MYBL1: variants seen among roughly 807,000 people sequenced by gnomAD.
MYBL1 encodes MYB proto-oncogene like 1, also known as myb-related protein A.
A neutral mutation model predicts 96.3 loss-of-function variants in MYBL1; 17 were observed. The observed-to-expected ratio is 0.18, with a 90% CI of 0.12 to 0.26. The LOEUF (loss-of-function observed/expected upper bound fraction) is 0.26, where lower values mean the gene tolerates loss of function less well. Among genes scored for constraint, MYBL1 ranks in the 10% least tolerant of loss-of-function variants. MYBL1 has a pLI of 1.00. For missense variants in MYBL1, 701 were observed against 882.9 expected (o/e 0.79, Z 2.61); for synonymous variants, 282 against 292.7 (o/e 0.96, Z 0.37).
At chr8:66,600,029 A>C (rs1810007198) in intron 3 of MYBL1, among the ~76,000 whole-genome samples, 1 of 152,214 alleles carries the variant, frequency 6.6e-6, no homozygotes, top group African/African-American at 2.4e-5. Context: ...TTGACACTTA[A>C]AAAGAAAATG....
chr8:66,588,277 CT>C (rs1164357937), intron 8 of MYBL1, among the ~76,000 whole-genome samples: 3,540 of 128,808 alleles, frequency 0.027, 39 homozygotes, highest in Non-Finnish European at 0.036. Context: ...ATGTGAATCT[CT>C]TTTTTTTTTT....
rs1285632830 is a variant in MYBL1, at chr8:66,566,235, A to G, written c.1959T>C (p.Asn653=). 5 of 1,464,426 alleles carry G rather than the reference A, an allele frequency of 3.4e-6. No individual in the cohort carries two copies. Among genetic ancestry groups the G allele is most frequent in the Non-Finnish European group, 4.6e-6 (5 of 1,085,016 alleles). 90.7% of individuals were successfully genotyped at this position (1,464,426 alleles called of 1,614,324 possible). Residue 653 remains asparagine (N), a synonymous_variant, in exon 15 of 16, where the codon AAT becomes AAC. Coordinates refer to ENST00000522677, the MANE Select transcript of MYBL1 (RefSeq NM_001080416.4). ...TCATTAATAAGGATGTAGTAAATCTATTTTCTGACTAAGAGAGAAAAAAGA... is the reference window on the plus strand; with the variant it reads ...TCATTAATAAGGATGTAGTAAATCTGTTTTCTGACTAAGAGAGAAAAAAGA... ...TEDISDMQSE[N]RFTTSLLMIP...
intron 4 of MYBL1, among the ~76,000 whole-genome samples, chr8:66,598,742 C>CA (rs1160056299): frequency 2.6e-5 from 4 of 151,984 alleles, no homozygotes; most frequent in Non-Finnish European, 5.9e-5. Flanking sequence ...AGATTTTTGA[C>CA]AAAAAACTAT....
chr8:66,587,381 C>T (rs949203816), intron 8 of MYBL1, among the ~76,000 whole-genome samples: 1 of 151,360 alleles, frequency 6.6e-6, no homozygotes, highest in Non-Finnish European at 1.5e-5. Flanking sequence ...AAAAAAAAAC[C>T]CTTGTGCCTT....
Position 66,601,784 on chromosome 8 carries a change from CA to C in MYBL1, c.127-16del, listed in dbSNP as rs1245786197. 4 of 1,410,726 alleles carry C rather than the reference CA, an allele frequency of 2.8e-6. No individual in the cohort carries two copies. Among genetic ancestry groups the C allele is most frequent in the Non-Finnish European group, 9.7e-7 (1 of 1,030,032 alleles). 87.4% of individuals were successfully genotyped at this position (1,410,726 alleles called of 1,614,324 possible). On this transcript the variant is annotated splice_polypyrimidine_tract_variant and intron_variant, in intron 2 of 15. Transcript: ENST00000522677. The stretch of plus-strand genomic sequence containing the variant: ...AATTTATCATCCTATTAAAACAGTA[CA>C]AAAATTAGAAAGCTTTCCCCCCGTC...
chr8:66,599,153 T>G lies in MYBL1; in HGVS notation c.199-11A>C. 1 of 1,549,760 alleles carries G rather than the reference T, an allele frequency of 6.5e-7. No individual in the cohort carries two copies. The highest frequency in any genetic ancestry group is 8.7e-7 in the Non-Finnish European group (1 of 1,151,702). On this transcript the variant is annotated splice_polypyrimidine_tract_variant and intron_variant, in intron 3 of 15. Transcript: ENST00000522677. ...AAAATCAGAGCGATTCTGAAAAAATTTAGAAGATTTTGTTATTAAACAACT... is the reference window on the plus strand; with the variant it reads ...AAAATCAGAGCGATTCTGAAAAAATGTAGAAGATTTTGTTATTAAACAACT...
chr8:66,595,658 T>C lies in MYBL1; in HGVS notation c.612A>G (p.Ser204=). The change falls in exon 6 of 16, where the codon TCA becomes TCG. Residue 204 remains serine (S), a synonymous_variant. Transcript: ENST00000522677. ...LQDGIKSERS[S]SKLQHKPCAA... ...CACAAGGTTTGTGTTGAAGTTTAGA[T>C]GAAGATCGTTCTGATTTTATTCCAT... 2 of 1,588,500 alleles carry C rather than the reference T, an allele frequency of 1.3e-6. No individual in the cohort carries two copies. Among genetic ancestry groups the C allele is most frequent in the Non-Finnish European group, 8.6e-7 (1 of 1,166,080 alleles).
Position 66,575,493 on chromosome 8 carries a change from G to A in MYBL1, c.1470+514C>T, listed in dbSNP as rs191759799. ...AGAAAATGTCCCTCTAAAAACTGTA[G>A]TATAATATCATGTAGAACCGGGAGC... On this transcript the variant is annotated intron_variant, in intron 10 of 15. Transcript: ENST00000522677. Among the ~76,000 whole-genome samples the A allele has an allele frequency of 4.7e-3, 720 of 152,202 alleles. 6 individuals carry two copies. Among genetic ancestry groups the A allele is most frequent in the Non-Finnish European group, 7.3e-3 (496 of 68,000 alleles).
intron 4 of MYBL1, among the ~76,000 whole-genome samples, chr8:66,597,914 G>C (rs1247850146): frequency 7.6e-6 from 1 of 132,420 alleles, no homozygotes; most frequent in East Asian, 2.3e-4. Flanking sequence ...CAATTAGGAA[G>C]CAGAAAGATT....
intron 8 of MYBL1, among the ~76,000 whole-genome samples, chr8:66,591,853 TTA>T (rs1032913831): frequency 1.3e-5 from 2 of 151,772 alleles, no homozygotes; most frequent in African/African-American, 2.4e-5. Flanking sequence ...GTGTGTATAT[TTA>T]TATATATATA....
intron 1 of MYBL1, among the ~76,000 whole-genome samples, 176 bp from the exon 2 acceptor site, chr8:66,602,699 CTATATATATA>C (rs67236935): frequency 4.5e-3 from 122 of 27,276 alleles, no homozygotes; most frequent in African/African-American, 7.4e-3. Flanking sequence ...TGGGGTGGAG[CTATATATATA>C]TATATATATA....
intron 1 of MYBL1, among the ~76,000 whole-genome samples, chr8:66,602,732 T>A (rs1810144501): frequency 2.4e-5 from 1 of 41,602 alleles, no homozygotes; most frequent in Non-Finnish European, 3.9e-5. Context: ...TATATATATA[T>A]ATTTTTTTTT....
chr8:66,580,316 G>A lies in MYBL1; in HGVS notation c.918C>T (p.Asn306=), dbSNP rs1321997552. 5 of 1,613,546 alleles carry A rather than the reference G, an allele frequency of 3.1e-6. No homozygotes were observed. In the East Asian group the frequency reaches 8.9e-5, roughly 29 times the overall value. ...SWSGSFLMDD[N]MSNTLNSLDE... ...CAAGGCTATTTAGAGTATTAGACAT[G>A]TTATCATCCATGAGGAAACTACCAG... The change falls in exon 9 of 16, where the codon AAC becomes AAT. Residue 306 remains asparagine (N), a synonymous_variant. Coordinates refer to ENST00000522677, the MANE Select transcript of MYBL1 (RefSeq NM_001080416.4).
chr8:66,602,517 ATCCTCACT>A lies in MYBL1; in HGVS notation c.21-2_26del. The A allele has an allele frequency of 6.3e-7, 1 of 1,584,450 alleles. No homozygotes were observed. Among genetic ancestry groups the A allele is most frequent in the Non-Finnish European group, 8.6e-7 (1 of 1,167,786 alleles). On this transcript the variant is annotated splice_acceptor_variant and coding_sequence_variant, in exon 2 of 16. Transcript: ENST00000522677. LOFTEE classifies it high-confidence loss of function. Reference sequence around the variant, plus strand: ...CGGCATACTGAAGGTCATCATCCTCATCCTCACTACAAAAAAAACACAATTTGTGATAT... The same window carrying A: ...CGGCATACTGAAGGTCATCATCCTCAACAAAAAAAACACAATTTGTGATAT...
intron 3 of MYBL1, among the ~76,000 whole-genome samples, chr8:66,600,262 G>A (rs1810017203): frequency 6.6e-6 from 1 of 152,158 alleles, no homozygotes; most frequent in Non-Finnish European, 1.5e-5. Context: ...TAGTTCATAA[G>A]CAAGATTACA....
In MYBL1 at chr8:66,595,870, C is replaced by CT. The variant is rs1259469806; in HGVS notation, c.513-114dup. The CT allele has an allele frequency of 8.2e-6, 5 of 609,310 alleles. No homozygotes were observed. In the African/African-American group the frequency reaches 9.7e-5, roughly 12 times the overall value. The allele number at this position is 609,310 out of a possible 1,614,324, so 37.7% of individuals were successfully genotyped here. A position where few individuals can be genotyped will look rare whatever the true frequency, so the allele number is the denominator to read the frequency against. On this transcript the variant is annotated intron_variant, in intron 5 of 15. Transcript: ENST00000522677. ...ATTTTTACACTGATGAAATTAGATACTTTTTTCTTAATTTTTCTTTTGGAG... is the reference window on the plus strand; with the variant it reads ...ATTTTTACACTGATGAAATTAGATACTTTTTTTCTTAATTTTTCTTTTGGAG...
At chr8:66,566,280 C>T in intron 14 of MYBL1, 37 bp from the exon 15 acceptor site, 1 of 1,290,644 alleles carries the variant, frequency 7.7e-7, no homozygotes. Flanking sequence ...ATAACTAATT[C>T]AAAAATGGAG....
At chr8:66,575,594 A>G (rs1808903907) in intron 10 of MYBL1, among the ~76,000 whole-genome samples, 1 of 152,222 alleles carries the variant, frequency 6.6e-6, no homozygotes, top group South Asian at 2.1e-4. Context: ...GTTCAAGACC[A>G]GCTTGGGCAA....
In MYBL1 at chr8:66,564,645, T is replaced by C. The variant is rs1808432065; in HGVS notation, c.*52A>G. The C allele has an allele frequency of 1.4e-6, 2 of 1,438,936 alleles. No individual in the cohort carries two copies. Among genetic ancestry groups the C allele is most frequent in the Non-Finnish European group, 1.9e-6 (2 of 1,072,130 alleles). The allele number at this position is 1,438,936 out of a possible 1,614,324, so 89.1% of individuals were successfully genotyped here. ...GAGAAAAATTTCACTGCAACCTAATTTAGTAGAGACTGCAGTAAGGGAGTG... is the reference window on the plus strand; with the variant it reads ...GAGAAAAATTTCACTGCAACCTAATCTAGTAGAGACTGCAGTAAGGGAGTG... On this transcript the variant is annotated 3_prime_UTR_variant, in exon 16 of 16. Coordinates refer to ENST00000522677, the MANE Select transcript of MYBL1 (RefSeq NM_001080416.4).
Sources: gnomAD v4.1 joint callset for allele counts (sites outside exome capture counted in the v4.1 genomes callset) on GRCh38, gnomAD v4.1.1 for gene constraint, MANE v1.5 for transcripts, NCBI Gene and HGNC (gene_info 2026-07-23, HGNC 2026-07-21) for gene names.